The following FCRL3 variants were observed in gnomAD, a reference collection of about 807,000 sequenced individuals.
FCRL3 encodes the protein Fc receptor like 3, also known as Fc receptor-like protein 3.
A neutral mutation model predicts 75.0 loss-of-function variants in FCRL3; 89 were observed. That is an observed-to-expected ratio of 1.19 (90% confidence interval 1.00 to 1.42). The LOEUF (loss-of-function observed/expected upper bound fraction) is 1.42, where lower values mean the gene tolerates loss of function less well. FCRL3 is among the 40% of genes most tolerant of loss of function. FCRL3 has a pLI of 0.00. For missense variants in FCRL3, 946 were observed against 880.0 expected, an observed-to-expected ratio of 1.07 and a Z score of -0.95; for synonymous variants, 376 against 348.5, an observed-to-expected ratio of 1.08 and a Z score of -0.88.
chr1:157,686,006 C>T (rs1400581046), intron 10 of FCRL3, among the ~76,000 whole-genome samples: 2 of 151,996 alleles, frequency 1.3e-5, no homozygotes, highest in East Asian at 3.8e-4. Flanking sequence ...ATAAAAAGCA[C>T]CCAAATAGCT....
intron 5 of FCRL3, 39 bp downstream of exon 5, chr1:157,697,620 C>T (rs755799252): frequency 6.3e-7 from 1 of 1,585,454 alleles, no homozygotes; most frequent in South Asian, 1.2e-5. Context: ...CCCCAGTTTC[C>T]CTAACAAACC....
At position 157,697,354 on chromosome 1, in the gene FCRL3, G is replaced by T; in HGVS notation, c.630C>A (p.Thr210=). The T allele has an allele frequency of 1.2e-6, 2 of 1,604,842 alleles. No individual in the cohort carries two copies. Among genetic ancestry groups the T allele is most frequent in the Non-Finnish European group, 1.7e-6 (2 of 1,176,016 alleles). ...TCTGTGGAGAGAGCTGGGTCTCACA[G>T]GTCAGGGTCATGGGACTCCCCTCTA... ...TPIEGSPMTL[T]CETQLSPQRP... is the part of the protein sequence containing the mutation. The change falls in exon 6 of 15, where the codon ACC becomes ACA. Residue 210 remains threonine (T), a synonymous_variant. Coordinates refer to ENST00000368184, the MANE Select transcript of FCRL3 (RefSeq NM_052939.4).
chr1:157,680,515 T>A (rs1014458661), intron 13 of FCRL3, among the ~76,000 whole-genome samples, 187 bp downstream of exon 13: 3 of 152,226 alleles, frequency 2.0e-5, no homozygotes, highest in Non-Finnish European at 4.4e-5. Flanking sequence ...CCTCAAAGAA[T>A]TTATGGGATC....
rs746497533 is a variant in FCRL3 at position 157,678,985 on chromosome 1, G to A, written c.2027-12C>T. The A allele has an allele frequency of 1.4e-5, 23 of 1,613,942 alleles. No individual in the cohort carries two copies. The highest frequency in any genetic ancestry group is 1.7e-5 in the Non-Finnish European group (20 of 1,179,964). On this transcript the variant is annotated splice_polypyrimidine_tract_variant and intron_variant, in intron 13 of 14. Coordinates refer to ENST00000368184, the MANE Select transcript of FCRL3 (RefSeq NM_052939.4). Reference sequence around the variant, plus strand: ...CATTGGACAATTAGCTGTTGGGTAGGAGTAGCAAAGAAAAGTATTAAACTG... The same window carrying A: ...CATTGGACAATTAGCTGTTGGGTAGAAGTAGCAAAGAAAAGTATTAAACTG...
intron 7 of FCRL3, among the ~76,000 whole-genome samples, 177 bp from the exon 8 acceptor site, chr1:157,695,784 C>A (rs1043762178): frequency 3.3e-5 from 5 of 152,162 alleles, no homozygotes; most frequent in African/African-American, 1.2e-4. Context: ...GAGAGGTAAT[C>A]TTGGGTAGTT....
At chr1:157,698,325 C>T (rs1360403751) in intron 4 of FCRL3, 59 bp downstream of exon 4, 31 of 1,598,710 alleles carry the variant, frequency 1.9e-5, no homozygotes, top group East Asian at 4.5e-5. Flanking sequence ...TGCATTAACC[C>T]GGCCCTCAGG....
chr1:157,697,243 G>A lies in FCRL3; in HGVS notation c.741C>T (p.Ile247=). Residue 247 remains isoleucine (I), a synonymous_variant, in exon 6 of 15, where the codon ATC becomes ATT. Coordinates refer to ENST00000368184, the MANE Select transcript of FCRL3 (RefSeq NM_052939.4). ...LGWSRSPRLQ[I]PAMWTEDSGS... ...CTGAGTCTTCAGTCCACATGGCAGG[G>A]ATCTGGAGTCTGGGGGACCTGCTCC... 1 of 1,609,624 alleles carries A rather than the reference G, an allele frequency of 6.2e-7. No homozygotes were observed. The highest frequency in any genetic ancestry group is 8.5e-7 in the Non-Finnish European group (1 of 1,177,444).
chr1:157,692,452 C>T (rs904954264), intron 8 of FCRL3, among the ~76,000 whole-genome samples: 2 of 152,120 alleles, frequency 1.3e-5, no homozygotes, highest in African/African-American at 4.8e-5. Context: ...GTTGCCCAGG[C>T]TGGTCTAAAC....
chr1:157,679,233 T>A, intron 13 of FCRL3: 1 of 542,256 alleles, frequency 1.8e-6, no homozygotes, highest in Non-Finnish European at 3.3e-6. Context: ...CAAACACTAA[T>A]AAAGACTTTC....
rs1202613571 is a variant in FCRL3, at chr1:157,676,890, C to T, written c.*1820G>A. On this transcript the variant is annotated 3_prime_UTR_variant, in exon 15 of 15. Transcript: ENST00000368184. The stretch of plus-strand genomic sequence containing the variant: ...CAGCAGGGTTAGAAAGGAGGAGAGC[C>T]TCCATATACAGCCTGGTGGTTGGTA... 6.7e-7 allele frequency: 1 copy of T among 1,487,542 alleles called. No homozygotes were observed. The highest frequency in any genetic ancestry group is 8.9e-7 in the Non-Finnish European group (1 of 1,121,380). 92.1% of individuals were successfully genotyped at this position (1,487,542 alleles called of 1,614,324 possible).
chr1:157,687,172 C>T (rs1283206666), intron 10 of FCRL3, among the ~76,000 whole-genome samples: 3 of 151,028 alleles, frequency 2.0e-5, no homozygotes, highest in African/African-American at 7.3e-5. Context: ...AAGCAGCCAA[C>T]AAACATAAAA....
At chr1:157,688,631 C>A (rs1655322465) in intron 10 of FCRL3, among the ~76,000 whole-genome samples, 1 of 149,288 alleles carries the variant, frequency 6.7e-6, no homozygotes. Context: ...AAAAAAAGGT[C>A]CTTCAGGCAG....
chr1:157,693,585 T>A (rs1450230517), intron 8 of FCRL3, among the ~76,000 whole-genome samples: 1 of 152,160 alleles, frequency 6.6e-6, no homozygotes, highest in East Asian at 1.9e-4. Flanking sequence ...ATAAGTAAAC[T>A]AAGATTTTCA....
Position 157,696,346 on chromosome 1 carries a change from G to A in FCRL3, c.845-19C>T, listed in dbSNP as rs1655906606. ...GGGACTCCTGGGGGAACACAAGATG[G>A]CATGTGAAGGTCCTGATGGCAGGGA... On this transcript the variant is annotated intron_variant, in intron 6 of 14. Transcript: ENST00000368184. The A allele has an allele frequency of 3.7e-6, 6 of 1,612,084 alleles. No homozygotes were observed. The highest frequency in any genetic ancestry group is 5.1e-6 in the Non-Finnish European group (6 of 1,178,796).
Position 157,678,591 on chromosome 1 carries a change from A to T in FCRL3, c.*119T>A. Reference sequence around the variant, plus strand: ...TTGCAGACCTTTTGCTCAGCCTCACATACCCTGCAGCCCAGCCTCGTAGGA... The same window carrying T: ...TTGCAGACCTTTTGCTCAGCCTCACTTACCCTGCAGCCCAGCCTCGTAGGA... On this transcript the variant is annotated 3_prime_UTR_variant, in exon 15 of 15. Transcript: ENST00000368184. 2 of 1,536,512 alleles carry T rather than the reference A, an allele frequency of 1.3e-6. No homozygotes were observed.
intron 3 of FCRL3, 87 bp downstream of exon 3, chr1:157,699,605 G>T: frequency 7.2e-7 from 1 of 1,381,870 alleles, no homozygotes; most frequent in Non-Finnish European, 1.0e-6. Flanking sequence ...CTGATGGGAT[G>T]CGTGCCTGCA....
chr1:157,684,858 A>G (rs931397852), intron 10 of FCRL3, among the ~76,000 whole-genome samples: 1 of 152,134 alleles, frequency 6.6e-6, no homozygotes, highest in Admixed American at 6.6e-5. Context: ...CAAGGAGCAG[A>G]GCCCTTAACT....
chr1:157,697,407 C>G lies in FCRL3; in HGVS notation c.577G>C (p.Val193Leu). 7.1e-6 allele frequency: 11 copies of G among 1,548,628 alleles called. No individual in the cohort carries two copies. Among genetic ancestry groups the G allele is most frequent in the Non-Finnish European group, 9.5e-6 (11 of 1,152,112 alleles). ...GGCGTGGAAGAGCTGGCTCTCAGCACAGGATGTAGAAACAGCTCTAATGAA... is the reference window on the plus strand; with the variant it reads ...GGCGTGGAAGAGCTGGCTCTCAGCAGAGGATGTAGAAACAGCTCTAATGAA... ...IQVQELFLHP[V>L]LRASSSTPIE... The change falls in exon 6 of 15, where the codon GTG becomes CTG. Residue 193 changes from valine (V) to leucine (L), a missense_variant. Physicochemically the swap from Val to Leu is conservative, Grantham distance 32. Transcript: ENST00000368184.
chr1:157,687,494 A>G (rs1267463977), intron 10 of FCRL3, among the ~76,000 whole-genome samples: 1 of 137,984 alleles, frequency 7.2e-6, no homozygotes, highest in Non-Finnish European at 1.5e-5. Flanking sequence ...TCATATGTTC[A>G]TTGCCATACT....
Sources: allele counts gnomAD v4.1 joint callset (sites outside exome capture counted in the v4.1 genomes callset), GRCh38; gene constraint gnomAD v4.1.1; transcripts MANE v1.5; gene names NCBI Gene and HGNC (gene_info 2026-07-23, HGNC 2026-07-21).